SFXN5: variants seen among roughly 807,000 people sequenced by gnomAD.
The protein encoded by SFXN5 is sideroflexin-5.
In SFXN5, 43 loss-of-function variants were observed where a neutral mutation model predicts 50.2. The observed-to-expected ratio is 0.86, with a 90% CI of 0.67 to 1.11. SFXN5 has a LOEUF of 1.11. Ranked by LOEUF, SFXN5 falls within the 50% of genes least tolerant of loss-of-function variation. The probability of loss-of-function intolerance (pLI) is 0.00; values close to 1 mark genes in which losing one functional copy is unlikely to be tolerated. For missense variants in SFXN5, 463 were observed against 454.1 expected (o/e 1.02, Z -0.18); for synonymous variants, 203 against 185.8 (o/e 1.09, Z -0.75).
intron 2 of SFXN5, among the ~76,000 whole-genome samples, chr2:73,051,676 T>C (rs1215215797): frequency 3.9e-5 from 6 of 152,218 alleles, no homozygotes; most frequent in African/African-American, 1.4e-4. Context: ...ATTTCTGTTG[T>C]AGTCCGTCTG....
intron 10 of SFXN5, among the ~76,000 whole-genome samples, chr2:72,982,585 C>T (rs1671441871): frequency 6.6e-6 from 1 of 152,186 alleles, no homozygotes; most frequent in South Asian, 2.1e-4. Flanking sequence ...TTGGGGCACT[C>T]AATGTCTAAT....
intron 13 of SFXN5, among the ~76,000 whole-genome samples, chr2:72,957,345 G>A (rs920807368): frequency 7.9e-5 from 12 of 152,194 alleles, no homozygotes; most frequent in African/African-American, 2.9e-4. Context: ...ATTATTTGCA[G>A]TTTGACCCTC....
intron 3 of SFXN5, among the ~76,000 whole-genome samples, chr2:73,033,586 C>T (rs1678589397): frequency 6.6e-6 from 1 of 152,138 alleles, no homozygotes; most frequent in Non-Finnish European, 1.5e-5. Flanking sequence ...GTAGACAGAA[C>T]AGCCAGTGCA....
chr2:72,951,193 G>A (rs551666584), intron 13 of SFXN5, among the ~76,000 whole-genome samples: 1 of 152,214 alleles, frequency 6.6e-6, no homozygotes, highest in South Asian at 2.1e-4. Context: ...CCCTGCTAGC[G>A]CTCCCTGACT....
intron 6 of SFXN5, chr2:73,020,021 C>G: frequency 1.9e-6 from 1 of 527,898 alleles, no homozygotes; most frequent in Non-Finnish European, 3.3e-6. Context: ...TTCAACTCAA[C>G]GCTGGATTTA....
At chr2:72,963,626 G>A (rs962267598) in intron 12 of SFXN5, among the ~76,000 whole-genome samples, 3 of 152,160 alleles carry the variant, frequency 2.0e-5, no homozygotes, top group African/African-American at 7.2e-5. Flanking sequence ...GAATGCCTGG[G>A]AGAAAGGAAA....
chr2:73,047,051 T>A lies in SFXN5; in HGVS notation c.172-6120A>T, dbSNP rs1680429776. Among the ~76,000 whole-genome samples, 4 of 148,934 alleles carry A rather than the reference T, an allele frequency of 2.7e-5. No individual in the cohort carries two copies. The South Asian group carries it at 8.5e-4, about 32-fold the overall frequency. ...ACCAGCCTGGACAACATGGTGAAAC[T>A]CCATCTCTACTTAAAATACAAAAAT... On this transcript the variant is annotated intron_variant, in intron 2 of 13. Coordinates refer to ENST00000272433, the MANE Select transcript of SFXN5 (RefSeq NM_144579.3).
At chr2:73,026,923 T>C (rs1677633299) in intron 3 of SFXN5, among the ~76,000 whole-genome samples, 1 of 152,062 alleles carries the variant, frequency 6.6e-6, no homozygotes, top group African/African-American at 2.4e-5. Flanking sequence ...GAGATGGAGT[T>C]CACCATGTTG....
intron 9 of SFXN5, 137 bp downstream of exon 9, chr2:72,998,812 C>T: frequency 1.1e-6 from 1 of 903,130 alleles, no homozygotes; most frequent in Non-Finnish European, 1.7e-6. Context: ...AAAGCCTGTC[C>T]TGACTCCTCC....
intron 6 of SFXN5, among the ~76,000 whole-genome samples, chr2:73,003,554 A>C (rs1395627387): frequency 6.6e-6 from 1 of 152,180 alleles, no homozygotes; most frequent in African/African-American, 2.4e-5. Context: ...GAGCCATTCA[A>C]CTGAGTCTCT....
chr2:73,006,538 C>A lies in SFXN5; in HGVS notation c.358-4960G>T, dbSNP rs1674689718. Among the ~76,000 whole-genome samples the A allele has an allele frequency of 2.0e-5, 3 of 151,778 alleles. No individual in the cohort carries two copies. The South Asian group carries it at 6.2e-4, about 31-fold the overall frequency. On this transcript the variant is annotated intron_variant, in intron 6 of 13. Coordinates refer to ENST00000272433, the MANE Select transcript of SFXN5 (RefSeq NM_144579.3). ...TTGGGAGGCTGAGGCACACGAACTG[C>A]TTAAACCCAGGAGAAGGAGGTTGCA...
chr2:72,952,365 T>C (rs998411554), intron 13 of SFXN5, among the ~76,000 whole-genome samples: 9 of 152,064 alleles, frequency 5.9e-5, no homozygotes, highest in Admixed American at 6.5e-5. Context: ...CTCCATCCCA[T>C]CCCCAGGCAC....
chr2:73,020,131 G>T, intron 6 of SFXN5, 108 bp downstream of exon 6: 1 of 1,029,080 alleles, frequency 9.7e-7, no homozygotes, highest in Non-Finnish European at 1.4e-6. Context: ...TCCAGGAATT[G>T]ACTTATCCTA....
chr2:73,029,682 A>C (rs1243819663), intron 3 of SFXN5, among the ~76,000 whole-genome samples: 1 of 152,146 alleles, frequency 6.6e-6, no homozygotes, highest in Non-Finnish European at 1.5e-5. Context: ...TCACTTATTT[A>C]ATTCCCTCAA....
chr2:72,977,034 C>T (rs1024419139), intron 10 of SFXN5, among the ~76,000 whole-genome samples: 2 of 152,170 alleles, frequency 1.3e-5, no homozygotes, highest in Non-Finnish European at 2.9e-5. Flanking sequence ...GCATGTGACC[C>T]GATTCCAGAC....
At position 72,973,966 on chromosome 2, in the gene SFXN5, A is replaced by G. The variant is rs887834552; in HGVS notation, c.626-2281T>C. Among the ~76,000 whole-genome samples the G allele has an allele frequency of 2.0e-5, 3 of 152,220 alleles. No homozygotes were observed. The highest frequency in any genetic ancestry group is 4.4e-5 in the Non-Finnish European group (3 of 68,034). ...TACCACCACCACCGCCACTCCCAGA[A>G]AGGCAAAGTTACAGGAATGTGGTCC... On this transcript the variant is annotated intron_variant, in intron 10 of 13. Transcript: ENST00000272433. This position sits in a 1 kb window ranked among gnomAD's most constrained non-coding sequence, Gnocchi z 5.5.
At chr2:73,017,486 T>C (rs1281649675) in intron 6 of SFXN5, among the ~76,000 whole-genome samples, 1 of 152,190 alleles carries the variant, frequency 6.6e-6, no homozygotes, top group East Asian at 1.9e-4. Flanking sequence ...TTGAACATGG[T>C]TCTCTGTGTA....
intron 13 of SFXN5, among the ~76,000 whole-genome samples, chr2:72,954,031 G>C (rs943697156): frequency 4.6e-5 from 7 of 152,158 alleles, no homozygotes; most frequent in Non-Finnish European, 1.0e-4. Context: ...AGGCAGGAAG[G>C]AGTATGGGGT....
At chr2:73,030,756 G>C in intron 3 of SFXN5, among the ~76,000 whole-genome samples, 1 of 152,126 alleles carries the variant, frequency 6.6e-6, no homozygotes. Context: ...ATTCTTTTGT[G>C]ACTGTCTTAT....
Sources: gnomAD v4.1 joint callset for allele counts (sites outside exome capture counted in the v4.1 genomes callset) on GRCh38, gnomAD v4.1.1 for gene constraint, Gnocchi (gnomAD v3.1) non-coding constraint, MANE v1.5 for transcripts, NCBI Gene and HGNC (gene_info 2026-07-23, HGNC 2026-07-21) for gene names.